The following MRRF variants were observed in gnomAD, a reference collection of about 807,000 sequenced individuals.
The protein encoded by MRRF is ribosome-recycling factor, mitochondrial.
Under a neutral mutation model 25.1 loss-of-function variants are expected in MRRF, and 18 were observed. That is an observed-to-expected ratio of 0.72 (90% CI 0.50 to 1.06). The LOEUF (loss-of-function observed/expected upper bound fraction) is 1.06. MRRF is among the 50% of genes least tolerant of loss of function. MRRF has a pLI of 0.00. For missense variants in MRRF, 323 were observed against 319.3 expected (o/e 1.01, Z -0.09); for synonymous variants, 113 against 112.1 (o/e 1.01, Z -0.05).
At position 122,280,559 on chromosome 9, in the gene MRRF, G is replaced by T; in HGVS notation, c.301G>T (p.Asp101Tyr). 6.2e-7 allele frequency: 1 copy of T among 1,614,030 alleles called. No homozygotes were observed. The highest frequency in any genetic ancestry group is 8.5e-7 in the Non-Finnish European group (1 of 1,179,916). The change falls in exon 3 of 7, where the codon GAT (aspartate) becomes TAT (tyrosine). Residue 101 changes from aspartate (D) to tyrosine (Y), a missense_variant. Physicochemically the swap from Asp to Tyr is radical, Grantham distance 160 (BLOSUM62 -3). Transcript: ENST00000344641. ...EMKSVIEALK[D>Y]NFNKTLNIRT... ...GAAGTCTGTGATAGAAGCTCTCAAG[G>T]ATAATTTCAATAAGACTCTCAATAT...
intron 5 of MRRF, 56 bp downstream of exon 5, chr9:122,291,896 G>A: frequency 8.0e-7 from 1 of 1,243,656 alleles, no homozygotes; most frequent in Non-Finnish European, 1.2e-6. Context: ...GTCCTTGGAA[G>A]GAAACCAACA....
At chr9:122,291,923 G>A (rs558934257) in intron 5 of MRRF, 83 bp downstream of exon 5, 27 of 929,036 alleles carry the variant, frequency 2.9e-5, no homozygotes, top group East Asian at 2.9e-4. Context: ...CTACTATACC[G>A]TTAGGCCAAT....
intron 5 of MRRF, among the ~76,000 whole-genome samples, chr9:122,293,967 C>T (rs192660794): frequency 2.4e-4 from 37 of 152,314 alleles, no homozygotes; most frequent in African/African-American, 7.7e-4. Flanking sequence ...CTTTCTCCTG[C>T]ATTTTCTGTG....
intron 2 of MRRF, among the ~76,000 whole-genome samples, chr9:122,272,447 C>T (rs1021832748): frequency 6.6e-6 from 1 of 151,738 alleles, no homozygotes; most frequent in African/African-American, 2.4e-5. Flanking sequence ...GAGGGGATTG[C>T]TTGAGGCCAG....
chr9:122,266,202 A>C (rs1223503374), intron 1 of MRRF, among the ~76,000 whole-genome samples: 1 of 152,262 alleles, frequency 6.6e-6, no homozygotes, highest in Non-Finnish European at 1.5e-5. Flanking sequence ...TGTAGTACTT[A>C]GAGTCATATG....
chr9:122,285,230 C>G lies in MRRF; in HGVS notation c.402C>G (p.Ser134Arg), dbSNP rs763753589. The change falls in exon 4 of 7, where the codon AGC becomes AGG. Residue 134 changes from serine (S) to arginine (R), a missense_variant. Ser to Arg is a moderately radical substitution (Grantham distance 110). Coordinates refer to ENST00000344641, the MANE Select transcript of MRRF (RefSeq NM_138777.5). Reference protein sequence around the residue: ...ADGKLALNQISQISMKSPQLI... With the variant: ...ADGKLALNQIRQISMKSPQLI... ...GGAAGCTTGCTTTAAACCAGATTAG[C>G]CAGATCTCCATGAAGTCGCCACAGC... The G allele has an allele frequency of 6.2e-7, 1 of 1,613,952 alleles. No homozygotes were observed. Among genetic ancestry groups the G allele is most frequent in the South Asian group, 1.1e-5 (1 of 91,080 alleles).
chr9:122,265,125 G>T (rs955992387), intron 1 of MRRF, among the ~76,000 whole-genome samples, 187 bp downstream of exon 1: 5 of 151,974 alleles, frequency 3.3e-5, no homozygotes, highest in African/African-American at 9.7e-5. Context: ...TGGGGGCGGG[G>T]CTCCTTTTAC....
At chr9:122,306,721 C>A (rs1834871182) in intron 5 of MRRF, among the ~76,000 whole-genome samples, 2 of 152,094 alleles carry the variant, frequency 1.3e-5, no homozygotes, top group Non-Finnish European at 2.9e-5. Context: ...GTCTACTCAC[C>A]CCAAAACTTG....
chr9:122,272,913 T>A (rs1026021538), intron 2 of MRRF, among the ~76,000 whole-genome samples: 1 of 152,138 alleles, frequency 6.6e-6, no homozygotes, highest in African/African-American at 2.4e-5. Context: ...TACTCCCAGA[T>A]TTGTAATGCC....
intron 5 of MRRF, among the ~76,000 whole-genome samples, chr9:122,306,631 C>G (rs561580887): frequency 6.6e-6 from 1 of 152,286 alleles, no homozygotes; most frequent in Non-Finnish European, 1.5e-5. Context: ...AGTGTCAGAG[C>G]TGGAATTGGA....
rs1269079310 is a variant in MRRF at position 122,327,929 on chromosome 9, T to C, written c.*5312T>C. ...CCATTCTGAAACTCCTTTTTTCTTA[T>C]TTTTATTTTTAATTGTAAAATATAC... On this transcript the variant is annotated 3_prime_UTR_variant, in exon 7 of 7. Coordinates refer to ENST00000344641, the MANE Select transcript of MRRF (RefSeq NM_138777.5). The C allele has an allele frequency of 6.6e-6, 1 of 152,074 alleles. No homozygotes were observed. Among genetic ancestry groups the C allele is most frequent in the Non-Finnish European group, 1.5e-5 (1 of 68,022 alleles). 9.4% of individuals were successfully genotyped at this position (152,074 alleles called of 1,614,324 possible).
chr9:122,269,269 T>C (rs1249227036), intron 1 of MRRF, among the ~76,000 whole-genome samples: 2 of 152,198 alleles, frequency 1.3e-5, no homozygotes, highest in Non-Finnish European at 2.9e-5. Flanking sequence ...AATTTTATTT[T>C]AAGTTCAAGG....
At chr9:122,292,481 A>G (rs1304961534) in intron 5 of MRRF, among the ~76,000 whole-genome samples, 3 of 152,184 alleles carry the variant, frequency 2.0e-5, no homozygotes, top group South Asian at 2.1e-4. Context: ...GTGAATAAAA[A>G]TGTTCATTTT....
In MRRF at chr9:122,280,383, A is replaced by G. The variant is rs2118684181; in HGVS notation, c.185-60A>G. On this transcript the variant is annotated intron_variant, in intron 2 of 6. Transcript: ENST00000344641. ...GTACATAGTAGGTACTTCTTCACCA[A>G]TTGCTTATTGGCTCTGTTTATGCTG... The G allele has an allele frequency of 2.5e-6, 4 of 1,581,726 alleles. No individual in the cohort carries two copies. The Admixed American group carries it at 5.0e-5, about 20-fold the overall frequency.
intron 5 of MRRF, among the ~76,000 whole-genome samples, chr9:122,293,913 C>CAGTAA (rs1392698535): frequency 1.3e-5 from 2 of 152,164 alleles, no homozygotes; most frequent in Admixed American, 1.3e-4. Context: ...ATCACATGAC[C>CAGTAA]AGTAAATGGC....
Position 122,275,888 on chromosome 9 carries a change from A to G in MRRF, c.185-4555A>G, listed in dbSNP as rs537256967. The stretch of plus-strand genomic sequence containing the variant: ...TTTTCATATCTTACCATTGTGCATA[A>G]TACTTTCTTCTTTATTTTTATTTCT... On this transcript the variant is annotated intron_variant, in intron 2 of 6. Transcript: ENST00000344641. Among the ~76,000 whole-genome samples the G allele has an allele frequency of 2.0e-5, 3 of 152,020 alleles. No individual in the cohort carries two copies. The East Asian group carries it at 5.8e-4, about 29-fold the overall frequency.
intron 4 of MRRF, chr9:122,286,183 G>C: frequency 7.8e-7 from 1 of 1,288,440 alleles, no homozygotes; most frequent in South Asian, 1.2e-5. Flanking sequence ...GAATCCTCCT[G>C]TTCTTATTGT....
chr9:122,287,498 G>C (rs538034365), intron 4 of MRRF, among the ~76,000 whole-genome samples: 33 of 152,166 alleles, frequency 2.2e-4, no homozygotes, highest in African/African-American at 7.5e-4. Context: ...GGCACTGTGG[G>C]CCAATTTAGG....
In MRRF at chr9:122,323,289, C is replaced by G. The variant is rs1835995500; in HGVS notation, c.*672C>G. Reference sequence around the variant, plus strand: ...GGGAAGTCTTCTTTTCCCCTCTAACCTAGGACCCTCATTACCGGCTCTCAT... The same window carrying G: ...GGGAAGTCTTCTTTTCCCCTCTAACGTAGGACCCTCATTACCGGCTCTCAT... On this transcript the variant is annotated 3_prime_UTR_variant, in exon 7 of 7. Transcript: ENST00000344641. The G allele has an allele frequency of 4.5e-5, 7 of 156,912 alleles. No homozygotes were observed. The highest frequency in any genetic ancestry group is 4.2e-4 in the Admixed American group (7 of 16,600). 9.7% of individuals were successfully genotyped at this position (156,912 alleles called of 1,614,324 possible). A position where few individuals can be genotyped will look rare whatever the true frequency, so the allele number is the denominator to read the frequency against.
Sources: gnomAD v4.1 joint callset for allele counts (sites outside exome capture counted in the v4.1 genomes callset) on GRCh38, gnomAD v4.1.1 for gene constraint, MANE v1.5 for transcripts, NCBI Gene and HGNC (gene_info 2026-07-23, HGNC 2026-07-21) for gene names.